Variants in ADAMTS13 observed in about 807,000 individuals in gnomAD.
ADAMTS13 encodes A disintegrin and metalloproteinase with thrombospondin motifs 13.
Under a neutral mutation model 155.1 loss-of-function variants are expected in ADAMTS13, and 110 were observed. The ratio of observed to expected loss-of-function variants is 0.71; its 90% CI spans 0.61 to 0.83. The LOEUF (loss-of-function observed/expected upper bound fraction) is 0.83, where lower values mean the gene tolerates loss of function less well. Ranked by LOEUF, ADAMTS13 falls within the 40% of genes least tolerant of loss-of-function variation. The probability of loss-of-function intolerance (pLI) is 0.00; values close to 1 mark genes in which losing one functional copy is unlikely to be tolerated. For missense variants in ADAMTS13, 1,707 were observed against 1,891.7 expected (o/e 0.90, Z 1.81); for synonymous variants, 758 against 756.4 (o/e 1.00, Z -0.03).
intron 7 of ADAMTS13, 71 bp from the exon 8 acceptor site, chr9:133,429,868 A>T: frequency 6.6e-7 from 1 of 1,524,904 alleles, no homozygotes; most frequent in East Asian, 2.5e-5. Context: ...CCTCGTGCCC[A>T]CTCCTCCGTC....
At position 133,454,444 on chromosome 9, in the gene ADAMTS13, C is replaced by T. The variant is rs782586641; in HGVS notation, c.3074C>T (p.Ser1025Leu). 8.1e-6 allele frequency: 13 copies of T among 1,613,682 alleles called. No individual in the cohort carries two copies. The highest frequency in any genetic ancestry group is 3.3e-5 in the Admixed American group (2 of 60,012). ...AAAGTCATGTCCCTTGGCCCATGTT[C>T]GGCCAGCTGTGGCCTTGGCACTGCT... ...RWKVMSLGPC[S>L]ASCGLGTARR... Residue 1025 changes from serine to leucine, a missense_variant, in exon 24 of 29, where the codon TCG (serine) becomes TTG (leucine). Transcript: ENST00000355699.
Position 133,447,003 on chromosome 9 carries a change from G to A in ADAMTS13, c.2731+1184G>A, listed in dbSNP as rs1261518642. Among the ~76,000 whole-genome samples, 7 of 152,080 alleles carry A rather than the reference G, an allele frequency of 4.6e-5. No homozygotes were observed. The East Asian group carries it at 9.6e-4, about 21-fold the overall frequency. The stretch of plus-strand genomic sequence containing the variant: ...CTCCCGAGTAGCTAGGACTATAGGC[G>A]TCTGCCACCATGCCTGGCTAATTTT... On this transcript the variant is annotated intron_variant, in intron 21 of 28. Coordinates refer to ENST00000355699, the MANE Select transcript of ADAMTS13 (RefSeq NM_139027.6).
Position 133,414,928 on chromosome 9 carries a change from G to C in ADAMTS13, n.287+284G>C, listed in dbSNP as rs782287244. On this transcript the variant is annotated intron_variant and non_coding_transcript_variant, in intron 1 of 17. Transcript: ENST00000485925. ...GCGAGGTCTCTTTTTTGTTTTGCTG[G>C]ATAATTTTGGGCTTCTTTTTGGAAC... 6 of 1,613,698 alleles carry C rather than the reference G, an allele frequency of 3.7e-6. No individual in the cohort carries two copies. The East Asian group carries it at 1.3e-4, about 36-fold the overall frequency.
At position 133,445,920 on chromosome 9, in the gene ADAMTS13, G is replaced by A. The variant is rs1842037991; in HGVS notation, c.2731+101G>A. ...TGAAAAGCATTTGAGGTGGATTGCA[G>A]AAAATCCAGACTATATGGGAACACG... is the stretch of plus-strand genomic sequence containing the variant. On this transcript the variant is annotated intron_variant, in intron 21 of 28. Transcript: ENST00000355699. The surrounding 1 kb of genome is among the most constrained non-coding windows in gnomAD (Gnocchi z 5.0). The A allele has an allele frequency of 1.1e-5, 16 of 1,463,070 alleles. No individual in the cohort carries two copies. Among genetic ancestry groups the A allele is most frequent in the Non-Finnish European group, 1.4e-5 (15 of 1,100,430 alleles). The allele number at this position is 1,463,070 out of a possible 1,614,324, so 90.6% of individuals were successfully genotyped here.
chr9:133,430,079 G>T lies in ADAMTS13; in HGVS notation c.965G>T (p.Cys322Phe). ...GCCTTCGGCCCCAAGGCTGTCGCCT[G>T]CACCTTCGCCAGGGAGCACCTGGTG... ...RVAFGPKAVA[C>F]TFAREHLDMC... is the part of the protein sequence containing the mutation. Residue 322 changes from cysteine to phenylalanine, a missense_variant, in exon 8 of 29, where the codon TGC becomes TTC. Transcript: ENST00000355699. 1.3e-6 allele frequency: 2 copies of T among 1,592,826 alleles called. No homozygotes were observed. Among genetic ancestry groups the T allele is most frequent in the Non-Finnish European group, 1.7e-6 (2 of 1,175,342 alleles).
Position 133,423,114 on chromosome 9 carries a change from C to G in ADAMTS13, c.119C>G (p.Ala40Gly), listed in dbSNP as rs1554784008. 1 of 1,613,850 alleles carries G rather than the reference C, an allele frequency of 6.2e-7. No individual in the cohort carries two copies. The highest frequency in any genetic ancestry group is 1.7e-5 in the Admixed American group (1 of 59,986). The change falls in exon 2 of 29, where the codon GCT (alanine) becomes GGT (glycine). Residue 40 changes from alanine (A) to glycine (G), a missense_variant. Transcript: ENST00000355699. ...TTTGTCTTGCAGAGTTGTCTTCAGG[C>G]TTTGGAGCCACAGGCCGTGTCTTCT... is the stretch of plus-strand genomic sequence containing the variant. ...PSHFQQSCLQ[A>G]LEPQAVSSYL...
chr9:133,448,786 G>A, intron 22 of ADAMTS13, 58 bp downstream of exon 22: 3 of 1,577,408 alleles, frequency 1.9e-6, no homozygotes, highest in South Asian at 2.3e-5. Context: ...GGAGACCCGA[G>A]CCTTGGCTCC....
chr9:133,423,577 G>A (rs587622345), intron 2 of ADAMTS13, among the ~76,000 whole-genome samples: 1 of 152,248 alleles, frequency 6.6e-6, no homozygotes, highest in South Asian at 2.1e-4. Flanking sequence ...TATGATAAAG[G>A]CCTGTCCCCA....
At chr9:133,450,012 GCCAGGC>G in intron 23 of ADAMTS13, 47 bp downstream of exon 23, 1 of 1,545,300 alleles carries the variant, frequency 6.5e-7, no homozygotes, top group South Asian at 1.2e-5. Flanking sequence ...GTGTGCAGAT[GCCAGGC>G]CAGGCGCTGT....
In ADAMTS13 at chr9:133,454,436, C is replaced by T. The variant is rs1842620067; in HGVS notation, c.3066C>T (p.Gly1022=). The stretch of plus-strand genomic sequence containing the variant: ...GCAGGTGGAAAGTCATGTCCCTTGG[C>T]CCATGTTCGGCCAGCTGTGGCCTTG... ...CPPRWKVMSL[G]PCSASCGLGT... is the part of the protein sequence containing the mutation. The change falls in exon 24 of 29, where the codon GGC becomes GGT. Residue 1022 remains glycine (G), a synonymous_variant. Transcript: ENST00000355699. 1.2e-6 allele frequency: 2 copies of T among 1,613,858 alleles called. No individual in the cohort carries two copies. Among genetic ancestry groups the T allele is most frequent in the South Asian group, 1.1e-5 (1 of 91,086 alleles).
rs1339372780 is a variant in ADAMTS13, at chr9:133,441,899, C to G, written c.1969-500C>G. On this transcript the variant is annotated intron_variant, in intron 16 of 28. Coordinates refer to ENST00000355699, the MANE Select transcript of ADAMTS13 (RefSeq NM_139027.6). This position sits in a 1 kb window ranked among gnomAD's most constrained non-coding sequence, Gnocchi z 5.0. ...GCCCAGCCTAAGGTGGGCCTGCCTC[C>G]TCCACTGCACTTTATCCTCTACCCA... Among the ~76,000 whole-genome samples the G allele has an allele frequency of 6.6e-6, 1 of 152,182 alleles. No homozygotes were observed. The highest frequency in any genetic ancestry group is 1.5e-5 in the Non-Finnish European group (1 of 68,034).
At chr9:133,415,863 A>G (rs1839563636) in intron 1 of ADAMTS13, 1 of 152,186 alleles carries the variant, frequency 6.6e-6, no homozygotes, top group Non-Finnish European at 1.5e-5. Flanking sequence ...CTGTGTGTTA[A>G]GACAGGAATG....
In ADAMTS13 at chr9:133,448,693, G is replaced by T; in HGVS notation, c.2826G>T (p.Arg942=). 6.2e-7 allele frequency: 1 copy of T among 1,604,854 alleles called. No individual in the cohort carries two copies. The change falls in exon 22 of 29, where the codon CGG becomes CGT. Residue 942 remains arginine, a synonymous_variant. Transcript: ENST00000355699. The part of the protein sequence containing the change: ...LCGLASKPGS[R]REVCQAVPCP... Reference sequence around the variant, plus strand: ...GCCTGGCAAGCAAGCCTGGGAGCCGGCGGGAGGTCTGCCAGGCTGTCCCGT... The same window carrying T: ...GCCTGGCAAGCAAGCCTGGGAGCCGTCGGGAGGTCTGCCAGGCTGTCCCGT...
intron 12 of ADAMTS13, 87 bp downstream of exon 12, chr9:133,437,042 A>G (rs1841292901): frequency 6.8e-7 from 1 of 1,468,986 alleles, no homozygotes. Flanking sequence ...TTGGCCTACT[A>G]TCCCTCCAGC....
intron 7 of ADAMTS13, 148 bp from the exon 8 acceptor site, chr9:133,429,791 G>C: frequency 9.0e-7 from 1 of 1,110,430 alleles, no homozygotes; most frequent in Non-Finnish European, 1.3e-6. Context: ...GCCGGCTCCT[G>C]GTGGGGGGCG....
At chr9:133,453,208 G>A (rs56741313) in intron 23 of ADAMTS13, among the ~76,000 whole-genome samples, 13,861 of 152,198 alleles carry the variant, frequency 0.091, 688 homozygotes, top group Middle Eastern at 0.14. Flanking sequence ...AGGCGAAGGC[G>A]GGCAGATCAC....
Position 133,426,080 on chromosome 9 carries a change from T to C in ADAMTS13, c.539+18T>C. ...ATCACTAGGTAGCCGAGCTTTCTGA[T>C]GGGTGCTGGCCAGCCAGCCTGGGAA... On this transcript the variant is annotated intron_variant, in intron 5 of 28. Coordinates refer to ENST00000355699, the MANE Select transcript of ADAMTS13 (RefSeq NM_139027.6). 1 of 1,614,004 alleles carries C rather than the reference T, an allele frequency of 6.2e-7. No individual in the cohort carries two copies. The highest frequency in any genetic ancestry group is 8.5e-7 in the Non-Finnish European group (1 of 1,180,032).
chr9:133,456,643 G>A lies in ADAMTS13; in HGVS notation c.3648G>A (p.Arg1216=). Reference sequence around the variant, plus strand: ...CCAAGACCAACACGCTGGTGGTGAGGCAGCGCTGCGGGCGGCCAGGAGGTG... The same window carrying A: ...CCAAGACCAACACGCTGGTGGTGAGACAGCGCTGCGGGCGGCCAGGAGGTG... ...FSSKTNTLVV[R]QRCGRPGGGV... is the part of the protein sequence containing the mutation. Residue 1216 remains arginine (R), a synonymous_variant, in exon 27 of 29, where the codon AGG becomes AGA. Coordinates refer to ENST00000355699, the MANE Select transcript of ADAMTS13 (RefSeq NM_139027.6). The surrounding 1 kb of genome is among the most constrained non-coding windows in gnomAD (Gnocchi z 4.4). 6.2e-7 allele frequency: 1 copy of A among 1,608,736 alleles called. No individual in the cohort carries two copies. The highest frequency in any genetic ancestry group is 8.5e-7 in the Non-Finnish European group (1 of 1,177,860).
At position 133,445,955 on chromosome 9, in the gene ADAMTS13, A is replaced by G; in HGVS notation, c.2731+136A>G. ...ACTATATGGGAACACGTGGTAATAC[A>G]CAAGGAGACTAAGCATAGTAGCTGA... On this transcript the variant is annotated intron_variant, in intron 21 of 28. Transcript: ENST00000355699. The surrounding 1 kb of genome is among the most constrained non-coding windows in gnomAD (Gnocchi z 5.0). The G allele has an allele frequency of 1.6e-6, 2 of 1,265,566 alleles. No individual in the cohort carries two copies. The highest frequency in any genetic ancestry group is 2.1e-6 in the Non-Finnish European group (2 of 946,090). The allele number at this position is 1,265,566 out of a possible 1,614,324, so 78.4% of individuals were successfully genotyped here.
Sources: allele counts gnomAD v4.1 joint callset (sites outside exome capture counted in the v4.1 genomes callset), GRCh38; gene constraint gnomAD v4.1.1; non-coding constraint Gnocchi (gnomAD v3.1); transcripts MANE v1.5; gene names NCBI Gene and HGNC (gene_info 2026-07-23, HGNC 2026-07-21).